The following CRMP1 variants were observed in gnomAD, a reference collection of about 807,000 sequenced individuals.
CRMP1 encodes the protein collapsin response mediator protein 1.
CRMP1 carries 19 observed loss-of-function variants against 68.3 expected under a neutral mutation model. The observed-to-expected ratio is 0.28, with a 90% CI of 0.19 to 0.41. The LOEUF is 0.41. Among genes scored for constraint, CRMP1 ranks in the 10% least tolerant of loss-of-function variants. CRMP1 has a pLI of 1.00. For synonymous variants in CRMP1, 439 were observed against 399.6 expected (o/e 1.10, Z -1.18); for missense variants, 791 against 967.4 (o/e 0.82, Z 2.42).
chr4:5,874,373 G>A (rs771011163), intron 1 of CRMP1, among the ~76,000 whole-genome samples: 1 of 152,174 alleles, frequency 6.6e-6, no homozygotes, highest in African/African-American at 2.4e-5. Context: ...AGTGGATCTG[G>A]AGTCATTGGC....
rs113603473 is a variant in CRMP1, at chr4:5,861,555, C to A, written c.471-345G>T. 5.3e-3 allele frequency among the ~76,000 whole-genome samples: 807 copies of A among 152,250 alleles called. 4 individuals carry two copies. Among genetic ancestry groups the A allele is most frequent in the African/African-American group, 0.018 (768 of 41,534 alleles). On this transcript the variant is annotated intron_variant, in intron 2 of 13. Coordinates refer to ENST00000324989, the MANE Select transcript of CRMP1 (RefSeq NM_001014809.3). This position sits in a 1 kb window ranked among gnomAD's most constrained non-coding sequence, Gnocchi z 6.0. ...AGCCCAGCATGATGCATGTGCTGAC[C>A]GTCATGTCTATTCTGATGTAACAGG...
In CRMP1 at chr4:5,838,733, G is replaced by A. The variant is rs192583928; in HGVS notation, c.1310+789C>T. Among the ~76,000 whole-genome samples, 2 of 152,242 alleles carry A rather than the reference G, an allele frequency of 1.3e-5. No individual in the cohort carries two copies. Among genetic ancestry groups the A allele is most frequent in the African/African-American group, 4.8e-5 (2 of 41,546 alleles). ...AAGGTTTCTGTATCATCAGGGGGAT[G>A]GTGATTTCCACGTGGGCGCACACCA... On this transcript the variant is annotated intron_variant, in intron 9 of 13. Transcript: ENST00000324989. This position sits in a 1 kb window ranked among gnomAD's most constrained non-coding sequence, Gnocchi z 4.9.
intron 1 of CRMP1, chr4:5,887,905 C>T: frequency 1.5e-6 from 1 of 685,036 alleles, no homozygotes; most frequent in Non-Finnish European, 1.9e-6. Flanking sequence ...GGACCCCTGC[C>T]CCTCCCTCTT....
Position 5,825,044 on chromosome 4 carries a change from GATAAA to G in CRMP1, c.1969+445_1969+449del. On this transcript the variant is annotated intron_variant, in intron 13 of 13. Transcript: ENST00000324989. This position sits in a 1 kb window ranked among gnomAD's most constrained non-coding sequence, Gnocchi z 4.4. ...TAATGTTACTTTATGGAGTAGTGAG[GATAAA>G]ATAAAATCATGGGTTATGAAAGTGC... 1.0e-6 allele frequency: 1 copy of G among 985,274 alleles called. No homozygotes were observed. Among genetic ancestry groups the G allele is most frequent in the South Asian group, 4.7e-5 (1 of 21,278 alleles). The allele number at this position is 985,274 out of a possible 1,614,324, so 61.0% of individuals were successfully genotyped here.
intron 11 of CRMP1, among the ~76,000 whole-genome samples, chr4:5,829,059 T>C (rs1256600139): frequency 1.3e-5 from 2 of 152,142 alleles, no homozygotes; most frequent in African/African-American, 4.8e-5. Context: ...AAAATCAAAT[T>C]ACTGGGTGAA....
At chr4:5,825,000 T>C in intron 13 of CRMP1, 1 of 985,428 alleles carries the variant, frequency 1.0e-6, no homozygotes. Context: ...TTCCGTTTCC[T>C]CTTTAAATAA....
rs758057120 is a variant in CRMP1 at position 5,839,587 on chromosome 4, G to A, written c.1245C>T (p.Phe415=). 2.1e-5 allele frequency: 34 copies of A among 1,612,376 alleles called. 1 individual carries two copies. The highest frequency in any genetic ancestry group is 3.3e-4 in the Middle Eastern group (2 of 6,074). ...CCGGGCTCAGGGGAGGGGAAGTCAC[G>A]AACGCCGCAGCCTTGGCCCAGTTCT... The part of the protein sequence containing the change: ...WSKNWAKAAA[F]VTSPPLSPDP... Residue 415 remains phenylalanine (F), a synonymous_variant, in exon 9 of 14, where the codon TTC becomes TTT. Coordinates refer to ENST00000324989, the MANE Select transcript of CRMP1 (RefSeq NM_001014809.3).
At chr4:5,864,253 T>C (rs896646038) in intron 2 of CRMP1, among the ~76,000 whole-genome samples, 3 of 151,994 alleles carry the variant, frequency 2.0e-5, no homozygotes, top group African/African-American at 7.3e-5. Context: ...TAGCAGCAGG[T>C]GGTGTGTGGG....
At chr4:5,824,483 C>CCTCT (rs148717534) in intron 13 of CRMP1, 75 of 942,316 alleles carry the variant, frequency 8.0e-5, no homozygotes, top group Admixed American at 6.3e-4. Flanking sequence ...CACACGTCAT[C>CCTCT]CTCTCTCTCT....
At chr4:5,856,484 C>T (rs541048216) in intron 3 of CRMP1, among the ~76,000 whole-genome samples, 177 bp from the exon 4 acceptor site, 2,984 of 151,836 alleles carry the variant, frequency 0.02, 53 homozygotes, top group South Asian at 0.044. Flanking sequence ...ATCACCACCA[C>T]AATCATCACC....
At chr4:5,851,382 GGAGA>G (rs1560501831) in intron 5 of CRMP1, 22 bp downstream of exon 5, 1 of 1,608,678 alleles carries the variant, frequency 6.2e-7, no homozygotes, top group Admixed American at 1.7e-5. Flanking sequence ...AGACAAGAGA[GGAGA>G]GAGTGAGTGT....
chr4:5,842,936 C>A lies in CRMP1; in HGVS notation c.1032+157G>T, dbSNP rs1412579179. Among the ~76,000 whole-genome samples, 3 of 152,016 alleles carry A rather than the reference C, an allele frequency of 2.0e-5. No individual in the cohort carries two copies. The highest frequency in any genetic ancestry group is 7.3e-5 in the African/African-American group (3 of 41,324). ...CTTCCTGTCTTCTCCAGCCAGCAGTCCCCAGGGTTCCCGGGGAAAACAAGA... is the reference window on the plus strand; with the variant it reads ...CTTCCTGTCTTCTCCAGCCAGCAGTACCCAGGGTTCCCGGGGAAAACAAGA... On this transcript the variant is annotated intron_variant, in intron 7 of 13. Coordinates refer to ENST00000324989, the MANE Select transcript of CRMP1 (RefSeq NM_001014809.3). The surrounding 1 kb of genome is among the most constrained non-coding windows in gnomAD (Gnocchi z 4.5).
In CRMP1 at chr4:5,850,218, C is replaced by T. The variant is rs1577786821; in HGVS notation, c.883-746G>A. On this transcript the variant is annotated intron_variant, in intron 5 of 13. Transcript: ENST00000324989. This position sits in a 1 kb window ranked among gnomAD's most constrained non-coding sequence, Gnocchi z 4.4. The stretch of plus-strand genomic sequence containing the variant: ...CCTCGGATGTCTGCTTTCCGACAGA[C>T]ATCCCTATTTCAGCAAATAGGGAAG... Among the ~76,000 whole-genome samples the T allele has an allele frequency of 6.6e-6, 1 of 152,228 alleles. No homozygotes were observed. The highest frequency in any genetic ancestry group is 1.9e-4 in the East Asian group (1 of 5,180).
rs1412450733 is a variant in CRMP1 at position 5,846,870 on chromosome 4, C to G, written c.963+2522G>C. On this transcript the variant is annotated intron_variant, in intron 6 of 13. Transcript: ENST00000324989. ...CCTCAGGTGATCTGCCCGCCTTGGC[C>G]TCCCAAATTGCTGGGATTACAGGCA... Among the ~76,000 whole-genome samples the G allele has an allele frequency of 4.0e-5, 6 of 148,728 alleles. No homozygotes were observed. The East Asian group carries it at 1.2e-3, about 30-fold the overall frequency.
chr4:5,862,614 C>T (rs1713661336), intron 2 of CRMP1, among the ~76,000 whole-genome samples: 9 of 152,224 alleles, frequency 5.9e-5, no homozygotes, highest in Admixed American at 5.2e-4. Context: ...GACAGGGTCG[C>T]ACCCCAAATG....
In CRMP1 at chr4:5,872,308, C is replaced by T. The variant is rs1714514078; in HGVS notation, c.382-5552G>A. Among the ~76,000 whole-genome samples the T allele has an allele frequency of 6.6e-6, 1 of 151,962 alleles. No homozygotes were observed. Among genetic ancestry groups the T allele is most frequent in the African/African-American group, 2.4e-5 (1 of 41,348 alleles). Reference sequence around the variant, plus strand: ...ACATATTTATAAAAAAAAATAATACCGGTGCCGTCTATTGCCTCTCACGGG... The same window carrying T: ...ACATATTTATAAAAAAAAATAATACTGGTGCCGTCTATTGCCTCTCACGGG... On this transcript the variant is annotated intron_variant, in intron 1 of 13. Coordinates refer to ENST00000324989, the MANE Select transcript of CRMP1 (RefSeq NM_001014809.3). This position sits in a 1 kb window ranked among gnomAD's most constrained non-coding sequence, Gnocchi z 4.6.
At position 5,842,662 on chromosome 4, in the gene CRMP1, ACTAACAT is replaced by A. The variant is rs1560496277; in HGVS notation, c.1032+424_1032+430del. On this transcript the variant is annotated intron_variant, in intron 7 of 13. Coordinates refer to ENST00000324989, the MANE Select transcript of CRMP1 (RefSeq NM_001014809.3). The surrounding 1 kb of genome is among the most constrained non-coding windows in gnomAD (Gnocchi z 4.5). ...CGCACTGTCTCTCTCACACACACACACTAACATACACACACTCACACACACACATACA... is the reference window on the plus strand; with the variant it reads ...CGCACTGTCTCTCTCACACACACACAACACACACTCACACACACACATACA... Among the ~76,000 whole-genome samples the A allele has an allele frequency of 6.8e-6, 1 of 147,788 alleles. No individual in the cohort carries two copies. The highest frequency in any genetic ancestry group is 2.6e-5 in the African/African-American group (1 of 37,958).
rs990259032 is a variant in CRMP1 at position 5,858,503 on chromosome 4, C to T, written c.656-2196G>A. On this transcript the variant is annotated intron_variant, in intron 3 of 13. Coordinates refer to ENST00000324989, the MANE Select transcript of CRMP1 (RefSeq NM_001014809.3). This position sits in a 1 kb window ranked among gnomAD's most constrained non-coding sequence, Gnocchi z 5.5. ...GCACTTCCTTTCCCTCACATGCCCCCGTGTGTGACCCAGCACCGAAGGCTG... is the reference window on the plus strand; with the variant it reads ...GCACTTCCTTTCCCTCACATGCCCCTGTGTGTGACCCAGCACCGAAGGCTG... Among the ~76,000 whole-genome samples, 1 of 152,124 alleles carries T rather than the reference C, an allele frequency of 6.6e-6. No individual in the cohort carries two copies. The highest frequency in any genetic ancestry group is 2.4e-5 in the African/African-American group (1 of 41,428).
intron 6 of CRMP1, among the ~76,000 whole-genome samples, chr4:5,845,912 T>C (rs1167002831): frequency 6.6e-6 from 1 of 152,110 alleles, no homozygotes; most frequent in Non-Finnish European, 1.5e-5. Context: ...AAACCAAGGA[T>C]GTGAGTCTAC....
Sources: gnomAD v4.1 joint callset for allele counts (sites outside exome capture counted in the v4.1 genomes callset) on GRCh38, gnomAD v4.1.1 for gene constraint, Gnocchi (gnomAD v3.1) non-coding constraint, MANE v1.5 for transcripts, NCBI Gene and HGNC (gene_info 2026-07-23, HGNC 2026-07-21) for gene names.